Variants in GPR158 observed in about 807,000 individuals in gnomAD.
The protein encoded by GPR158 is metabotropic glycine receptor.
GPR158 carries 30 observed loss-of-function variants against 78.2 expected under a neutral mutation model. The observed-to-expected ratio is 0.38, with a 90% confidence interval of 0.29 to 0.52. The LOEUF is 0.52. Among genes scored for constraint, GPR158 ranks in the 20% least tolerant of loss-of-function variants. The pLI, the probability that GPR158 is intolerant of heterozygous loss-of-function variation, is 0.83. For missense variants in GPR158, 1,463 were observed against 1,523.5 expected, an observed-to-expected ratio of 0.96 and a Z score of 0.66; for synonymous variants, 581 against 591.1, an observed-to-expected ratio of 0.98 and a Z score of 0.25.
intron 6 of GPR158, among the ~76,000 whole-genome samples, chr10:25,560,508 G>A (rs949737580): frequency 3.9e-5 from 6 of 152,100 alleles, no homozygotes; most frequent in African/African-American, 1.2e-4. Context: ...CTTGTGATCC[G>A]CCTGCCTTGG....
At chr10:25,202,952 T>A (rs1456845129) in intron 1 of GPR158, among the ~76,000 whole-genome samples, 1 of 152,234 alleles carries the variant, frequency 6.6e-6, no homozygotes, top group East Asian at 1.9e-4. Context: ...CCATTCTAAC[T>A]GGTGTGAGAT....
chr10:25,351,371 G>A (rs1215096054), intron 2 of GPR158, among the ~76,000 whole-genome samples: 2 of 151,444 alleles, frequency 1.3e-5, no homozygotes, highest in Non-Finnish European at 2.9e-5. Flanking sequence ...TGGTGGTAAT[G>A]GTAGCAAGTA....
At chr10:25,593,919 T>A (rs1837370815) in intron 8 of GPR158, among the ~76,000 whole-genome samples, 1 of 152,044 alleles carries the variant, frequency 6.6e-6, no homozygotes. Flanking sequence ...AAATTATGAG[T>A]ACTAAGAATA....
At chr10:25,438,416 C>T (rs1261387644) in intron 4 of GPR158, among the ~76,000 whole-genome samples, 5 of 152,196 alleles carry the variant, frequency 3.3e-5, no homozygotes, top group Non-Finnish European at 7.3e-5. Flanking sequence ...TGATGAACTG[C>T]AAATGTTTTG....
intron 2 of GPR158, among the ~76,000 whole-genome samples, chr10:25,264,743 C>CGATAGTATCTT (rs1854019567): frequency 6.6e-6 from 1 of 152,132 alleles, no homozygotes; most frequent in African/African-American, 2.4e-5. Context: ...TTACTTTTGT[C>CGATAGTATCTT]GATAGTATCT....
chr10:25,387,640 T>C (rs1381253109), intron 2 of GPR158, among the ~76,000 whole-genome samples: 1 of 151,838 alleles, frequency 6.6e-6, no homozygotes, highest in African/African-American at 2.4e-5. Flanking sequence ...CTCAGCCTCC[T>C]GAGTAGCTGG....
At chr10:25,343,811 A>G (rs537179641) in intron 2 of GPR158, among the ~76,000 whole-genome samples, 6 of 152,140 alleles carry the variant, frequency 3.9e-5, no homozygotes, top group African/African-American at 1.4e-4. Context: ...TAGAAAATGC[A>G]CACACACTGT....
At chr10:25,444,799 A>G (rs1417556595) in intron 4 of GPR158, among the ~76,000 whole-genome samples, 1 of 152,132 alleles carries the variant, frequency 6.6e-6, no homozygotes, top group African/African-American at 2.4e-5. Flanking sequence ...AATATCATTG[A>G]GTTTTAAAGC....
chr10:25,412,148 T>G, intron 3 of GPR158, 102 bp from the exon 4 acceptor site: 2 of 782,236 alleles, frequency 2.6e-6, no homozygotes, highest in Non-Finnish European at 4.5e-6. Flanking sequence ...CTTTAATAAG[T>G]GAGAAAAGGA....
At chr10:25,325,054 A>T (rs937310208) in intron 2 of GPR158, among the ~76,000 whole-genome samples, 1 of 151,634 alleles carries the variant, frequency 6.6e-6, no homozygotes, top group Non-Finnish European at 1.5e-5. Flanking sequence ...ATATTACCCA[A>T]GCTGGTCTCA....
At chr10:25,337,472 C>T (rs778363326) in intron 2 of GPR158, among the ~76,000 whole-genome samples, 4 of 151,942 alleles carry the variant, frequency 2.6e-5, no homozygotes, top group Non-Finnish European at 4.4e-5. Flanking sequence ...GTATATCTTG[C>T]GTAGCAATAG....
chr10:25,184,757 T>C (rs888076811), intron 1 of GPR158, among the ~76,000 whole-genome samples: 2 of 152,224 alleles, frequency 1.3e-5, no homozygotes, highest in African/African-American at 2.4e-5. Flanking sequence ...TGTGTAAAGG[T>C]TTCACAATGG....
intron 2 of GPR158, among the ~76,000 whole-genome samples, chr10:25,353,447 G>A (rs1051858968): frequency 6.6e-6 from 1 of 151,546 alleles, no homozygotes; most frequent in African/African-American, 2.4e-5. Flanking sequence ...TGCACATTGT[G>A]CACATGTACC....
At chr10:25,235,840 G>A (rs1443597351) in intron 2 of GPR158, among the ~76,000 whole-genome samples, 1 of 151,832 alleles carries the variant, frequency 6.6e-6, no homozygotes, top group African/African-American at 2.4e-5. Context: ...GGGACTACAG[G>A]TGCCTGCCAC....
intron 6 of GPR158, among the ~76,000 whole-genome samples, chr10:25,568,138 G>GA (rs57182847): frequency 0.57 from 86,896 of 151,812 alleles, 26,875 homozygotes; most frequent in African/African-American, 0.81. Context: ...GGAATGGAGA[G>GA]GGGGTGATTT....
At chr10:25,253,081 G>C (rs1226015560) in intron 2 of GPR158, among the ~76,000 whole-genome samples, 6 of 152,130 alleles carry the variant, frequency 3.9e-5, no homozygotes, top group Non-Finnish European at 8.8e-5. Flanking sequence ...GATTTTCCAG[G>C]TGCGTCCGTC....
intron 1 of GPR158, among the ~76,000 whole-genome samples, chr10:25,211,661 A>T (rs1201395286): frequency 6.6e-6 from 1 of 152,090 alleles, no homozygotes; most frequent in Non-Finnish European, 1.5e-5. Context: ...GACACATTTA[A>T]GCCATAGCAT....
chr10:25,223,446 A>G (rs1190565558), intron 2 of GPR158, among the ~76,000 whole-genome samples: 1 of 152,128 alleles, frequency 6.6e-6, no homozygotes, highest in African/African-American at 2.4e-5. Context: ...GGCTTCTCTA[A>G]GGTCGTATAG....
intron 2 of GPR158, among the ~76,000 whole-genome samples, chr10:25,292,127 A>G (rs1401041397): frequency 1.3e-5 from 2 of 152,080 alleles, no homozygotes; most frequent in African/African-American, 4.8e-5. Flanking sequence ...TAAGTAATAT[A>G]TCATCCCCCA....
Sources: allele counts gnomAD v4.1 joint callset (sites outside exome capture counted in the v4.1 genomes callset), GRCh38; gene constraint gnomAD v4.1.1; transcripts MANE v1.5; gene names NCBI Gene and HGNC (gene_info 2026-07-23, HGNC 2026-07-21).